The following ARL13B variants were observed in gnomAD, a reference collection of about 807,000 sequenced individuals.
ARL13B encodes the protein ARF like GTPase 13B, also known as ADP-ribosylation factor-like protein 13B.
In ARL13B, 36 loss-of-function variants were observed where a neutral mutation model predicts 56.1. That is an observed-to-expected ratio of 0.64 (90% CI 0.49 to 0.85). ARL13B has a LOEUF of 0.85. ARL13B is among the 40% of genes least tolerant of loss of function. The probability of loss-of-function intolerance (pLI) is 0.00; values close to 1 mark genes in which losing one functional copy is unlikely to be tolerated. For missense variants in ARL13B, 519 were observed against 507.1 expected (o/e 1.02, Z -0.23); for synonymous variants, 178 against 171.1 (o/e 1.04, Z -0.32).
chr3:93,991,019 T>G (rs2075866211), intron 1 of ARL13B, among the ~76,000 whole-genome samples: 1 of 152,194 alleles, frequency 6.6e-6, no homozygotes, highest in African/African-American at 2.4e-5. Context: ...TTTCATAGTG[T>G]CAGAATGTAT....
chr3:93,980,468 G>A lies in ARL13B; in HGVS notation c.45G>A (p.Trp15Ter). The part of the protein sequence containing the change: ...MASCCGWFKR[W>*]REPVRKVTLL... Reference sequence around the variant, plus strand: ...GTTGCTGCGGCTGGTTCAAGCGGTGGCGGGAGCCTGTCAGGTAGGCTGGAG... The same window carrying A: ...GTTGCTGCGGCTGGTTCAAGCGGTGACGGGAGCCTGTCAGGTAGGCTGGAG... The change falls in exon 1 of 10, where the codon TGG (tryptophan) becomes TGA (stop). Residue 15 changes from tryptophan to a stop codon, truncating the protein, a stop_gained. Coordinates refer to ENST00000394222, the MANE Select transcript of ARL13B (RefSeq NM_001174150.2). LOFTEE classifies it high-confidence loss of function. The A allele has an allele frequency of 6.2e-7, 1 of 1,611,730 alleles. No individual in the cohort carries two copies. Among genetic ancestry groups the A allele is most frequent in the South Asian group, 1.1e-5 (1 of 91,086 alleles).
At chr3:94,034,219 C>G (rs2076727488) in intron 3 of ARL13B, among the ~76,000 whole-genome samples, 1 of 151,390 alleles carries the variant, frequency 6.6e-6, no homozygotes, top group Non-Finnish European at 1.5e-5. Context: ...TTAATGGTAA[C>G]TTGGGAAATA....
chr3:94,052,750 T>G lies in ARL13B; in HGVS notation c.1211-437T>G, dbSNP rs550642884. On this transcript the variant is annotated intron_variant, in intron 9 of 9. Coordinates refer to ENST00000394222, the MANE Select transcript of ARL13B (RefSeq NM_001174150.2). ...AAAGGGAAAATGCTATTATATTTGG[T>G]GCTTAGAAAAACATTTTTTGTTGCA... Among the ~76,000 whole-genome samples, 318 of 152,290 alleles carry G rather than the reference T, an allele frequency of 2.1e-3. 2 individuals carry two copies. The highest frequency in any genetic ancestry group is 7.3e-3 in the African/African-American group (302 of 41,566).
intron 8 of ARL13B, among the ~76,000 whole-genome samples, chr3:94,049,935 C>G (rs1210035060): frequency 6.7e-6 from 1 of 149,436 alleles, no homozygotes; most frequent in Admixed American, 6.7e-5. Context: ...GGCAGATAAC[C>G]AGGTGAAGAG....
chr3:94,027,562 G>T (rs1416069598), intron 3 of ARL13B, among the ~76,000 whole-genome samples: 1 of 151,948 alleles, frequency 6.6e-6, no homozygotes, highest in African/African-American at 2.4e-5. Flanking sequence ...TGTGTTCGAG[G>T]TATTACGTGG....
intron 8 of ARL13B, among the ~76,000 whole-genome samples, chr3:94,050,025 G>T (rs57948991): frequency 6.6e-6 from 1 of 151,054 alleles, no homozygotes; most frequent in Non-Finnish European, 1.5e-5. Context: ...TTAGCTGGGC[G>T]TAGTAGCACA....
At chr3:94,000,512 G>A (rs1036191451) in intron 2 of ARL13B, among the ~76,000 whole-genome samples, 1 of 151,236 alleles carries the variant, frequency 6.6e-6, no homozygotes, top group African/African-American at 2.4e-5. Flanking sequence ...GTATTAACAT[G>A]TCTTCATTAT....
chr3:94,036,695 T>G lies in ARL13B; in HGVS notation c.630T>G (p.Ala210=), dbSNP rs1200177148. The G allele has an allele frequency of 6.2e-7, 1 of 1,614,054 alleles. No individual in the cohort carries two copies. The highest frequency in any genetic ancestry group is 1.1e-5 in the South Asian group (1 of 91,076). ...AAAAAGAGACAACAGAGCAGCGTGCTCTTGAGGAACAAGAGAAACAAGAAA... is the reference window on the plus strand; with the variant it reads ...AAAAAGAGACAACAGAGCAGCGTGCGCTTGAGGAACAAGAGAAACAAGAAA... ...RIQKETTEQR[A]LEEQEKQERA... is the part of the protein sequence containing the mutation. The change falls in exon 5 of 10, where the codon GCT becomes GCG. Residue 210 remains alanine (A), a synonymous_variant. Transcript: ENST00000394222.
intron 1 of ARL13B, 121 bp downstream of exon 1, chr3:93,980,603 C>T (rs541961766): frequency 2.4e-6 from 3 of 1,245,220 alleles, no homozygotes; most frequent in Admixed American, 1.9e-5. Context: ...GGGATGCTTT[C>T]ATTCCCAGGG....
intron 5 of ARL13B, among the ~76,000 whole-genome samples, chr3:94,037,179 C>G (rs2076783708): frequency 1.3e-5 from 2 of 152,128 alleles, no homozygotes; most frequent in Non-Finnish European, 2.9e-5. Flanking sequence ...CTATGACACA[C>G]AGGACAGTCT....
chr3:94,000,185 T>C (rs2076030903), intron 2 of ARL13B, among the ~76,000 whole-genome samples: 1 of 152,234 alleles, frequency 6.6e-6, no homozygotes, highest in Admixed American at 6.5e-5. Context: ...CCCAACTCTA[T>C]GTTTAGGTAC....
At chr3:94,012,405 G>A (rs531732685) in intron 3 of ARL13B, among the ~76,000 whole-genome samples, 114 of 152,188 alleles carry the variant, frequency 7.5e-4, no homozygotes, top group African/African-American at 2.7e-3. Context: ...TCAGGAAATG[G>A]CATCATCATC....
intron 1 of ARL13B, among the ~76,000 whole-genome samples, chr3:93,986,056 T>C (rs1325525970): frequency 3.3e-5 from 5 of 152,188 alleles, no homozygotes; most frequent in Admixed American, 6.5e-5. Flanking sequence ...AATTAAGCTG[T>C]ATGTACAGAT....
intron 6 of ARL13B, among the ~76,000 whole-genome samples, chr3:94,041,257 T>C (rs900594531): frequency 1.9e-4 from 29 of 152,224 alleles, no homozygotes; most frequent in African/African-American, 7.0e-4. Context: ...GGAACGAATA[T>C]TAATAAACCT....
At chr3:94,036,983 C>A (rs945527118) in intron 5 of ARL13B, among the ~76,000 whole-genome samples, 4 of 152,100 alleles carry the variant, frequency 2.6e-5, no homozygotes, top group Non-Finnish European at 5.9e-5. Flanking sequence ...TAGCCATTGT[C>A]TTCCAGAGTT....
intron 1 of ARL13B, chr3:93,988,588 C>T: frequency 2.3e-6 from 1 of 431,068 alleles, no homozygotes; most frequent in East Asian, 6.4e-5. Context: ...CTGGATTGTA[C>T]AAGAAGGGAG....
chr3:94,008,086 T>C (rs1447021091), intron 3 of ARL13B, among the ~76,000 whole-genome samples: 1 of 152,194 alleles, frequency 6.6e-6, no homozygotes, highest in Non-Finnish European at 1.5e-5. Context: ...TATTCAGCTA[T>C]GTAGAGTGGC....
In ARL13B at chr3:94,054,766, C is replaced by T; in HGVS notation, c.*1503C>T. 2.4e-6 allele frequency: 1 copy of T among 417,742 alleles called. No individual in the cohort carries two copies. The highest frequency in any genetic ancestry group is 1.8e-5 in the South Asian group (1 of 56,890). 25.9% of individuals were successfully genotyped at this position (417,742 alleles called of 1,614,324 possible). A position where few individuals can be genotyped will look rare whatever the true frequency, so the allele number is the denominator to read the frequency against. On this transcript the variant is annotated 3_prime_UTR_variant, in exon 10 of 10. Transcript: ENST00000394222. ...CTTGGAGTTTGTACATGGGACTTAG[C>T]AACCACACTGAGTGAGGTAAAAGCA... is the stretch of plus-strand genomic sequence containing the variant.
At chr3:94,012,220 C>T (rs1043629071) in intron 3 of ARL13B, among the ~76,000 whole-genome samples, 2 of 152,086 alleles carry the variant, frequency 1.3e-5, no homozygotes, top group Non-Finnish European at 2.9e-5. Flanking sequence ...TAAAATGACC[C>T]AAATCTGTAC....
Sources: allele counts gnomAD v4.1 joint callset (sites outside exome capture counted in the v4.1 genomes callset), GRCh38; gene constraint gnomAD v4.1.1; transcripts MANE v1.5; gene names NCBI Gene and HGNC (gene_info 2026-07-23, HGNC 2026-07-21).